EXOC6: variants seen among roughly 807,000 people sequenced by gnomAD.
EXOC6 encodes exocyst complex component 6.
In EXOC6, 60 loss-of-function variants were observed where a neutral mutation model predicts 112.5. The observed-to-expected ratio is 0.53, with a 90% CI of 0.43 to 0.66. The LOEUF is 0.66. EXOC6 is among the 30% of genes least tolerant of loss of function. EXOC6 has a pLI of 0.00. For missense variants in EXOC6, 855 were observed against 957.1 expected, an observed-to-expected ratio of 0.89 and a Z score of 1.41; for synonymous variants, 295 against 308.0, an observed-to-expected ratio of 0.96 and a Z score of 0.44.
rs946640424 is a variant in EXOC6 at position 92,957,216 on chromosome 10, C to A, written c.1773+1502C>A. ...TCCTTACATCCATCTGTTACTGATACCCTGTCAAGAAGGGATTTCTCAGGC... is the reference window on the plus strand; with the variant it reads ...TCCTTACATCCATCTGTTACTGATAACCTGTCAAGAAGGGATTTCTCAGGC... On this transcript the variant is annotated intron_variant, in intron 17 of 21. Transcript: ENST00000260762. 1.2e-4 allele frequency among the ~76,000 whole-genome samples: 19 copies of A among 152,206 alleles called. 1 individual carries two copies. The highest frequency in any genetic ancestry group is 3.3e-4 in the Admixed American group (5 of 15,290).
intron 19 of EXOC6, among the ~76,000 whole-genome samples, chr10:93,013,120 C>T (rs1229930093): frequency 6.6e-6 from 1 of 151,990 alleles, no homozygotes; most frequent in Non-Finnish European, 1.5e-5. Context: ...TGTAAAATGA[C>T]AGGGTCTTTT....
intron 9 of EXOC6, among the ~76,000 whole-genome samples, chr10:92,932,394 G>C (rs1435560891): frequency 6.6e-6 from 1 of 151,992 alleles, no homozygotes; most frequent in African/African-American, 2.4e-5. Flanking sequence ...GTCTACATTT[G>C]TCAAAACTCA....
chr10:92,952,858 ATGGGG>A (rs376569965), intron 15 of EXOC6, among the ~76,000 whole-genome samples: 123 of 152,200 alleles, frequency 8.1e-4, no homozygotes, highest in Middle Eastern at 6.8e-3. Context: ...ATTGCTATCA[ATGGGG>A]AGGTGCTACT....
chr10:92,851,961 G>A (rs181976555), intron 1 of EXOC6, among the ~76,000 whole-genome samples: 170 of 152,162 alleles, frequency 1.1e-3, no homozygotes, highest in Non-Finnish European at 1.5e-3. Context: ...CCAGCTACTC[G>A]GGAGGCTAAC....
At chr10:93,034,828 T>C (rs1845438449) in intron 20 of EXOC6, among the ~76,000 whole-genome samples, 2 of 152,256 alleles carry the variant, frequency 1.3e-5, no homozygotes, top group Admixed American at 6.5e-5. Flanking sequence ...ACACCCTGCC[T>C]GCTTAAACTT....
At chr10:93,044,236 C>T (rs1459203434) in intron 20 of EXOC6, among the ~76,000 whole-genome samples, 1 of 152,078 alleles carries the variant, frequency 6.6e-6, no homozygotes, top group African/African-American at 2.4e-5. Flanking sequence ...TTATACGTGA[C>T]AAAAGGTAAT....
chr10:92,894,711 A>G (rs944233540), intron 2 of EXOC6, 83 bp from the exon 3 acceptor site: 1 of 1,047,858 alleles, frequency 9.5e-7, no homozygotes, highest in Non-Finnish European at 1.5e-6. Context: ...CTCATGAAGC[A>G]TGATCTGATT....
At chr10:93,030,358 G>A (rs767179581) in intron 20 of EXOC6, among the ~76,000 whole-genome samples, 10 of 152,018 alleles carry the variant, frequency 6.6e-5, no homozygotes, top group Non-Finnish European at 1.3e-4. Context: ...GAGCCACTGC[G>A]CCCAGCCAAA....
intron 7 of EXOC6, among the ~76,000 whole-genome samples, chr10:92,917,551 A>G (rs1302351242): frequency 7.2e-6 from 1 of 138,722 alleles, no homozygotes; most frequent in Non-Finnish European, 1.5e-5. Context: ...TTTTTTAGAG[A>G]TAGGGCTCAC....
chr10:92,933,150 A>G (rs1408618013), intron 9 of EXOC6, among the ~76,000 whole-genome samples: 2 of 152,142 alleles, frequency 1.3e-5, no homozygotes, highest in Non-Finnish European at 2.9e-5. Context: ...TTCTAAACCT[A>G]TAAGCACTTG....
intron 1 of EXOC6, among the ~76,000 whole-genome samples, chr10:92,871,774 C>T (rs776379496): frequency 1.6e-4 from 25 of 152,040 alleles, no homozygotes; most frequent in Admixed American, 7.2e-4. Context: ...TGCCACTGTA[C>T]TCCAGCCTGG....
intron 13 of EXOC6, among the ~76,000 whole-genome samples, chr10:92,943,150 C>G (rs1852766653): frequency 1.3e-5 from 2 of 151,714 alleles, no homozygotes. Flanking sequence ...TCCCTAGTAG[C>G]TGGGACTACA....
At chr10:92,979,599 T>C (rs1363439021) in intron 18 of EXOC6, among the ~76,000 whole-genome samples, 1 of 152,174 alleles carries the variant, frequency 6.6e-6, no homozygotes, top group Non-Finnish European at 1.5e-5. Context: ...TCGCTTTAAA[T>C]ACCTCTTATA....
intron 1 of EXOC6, among the ~76,000 whole-genome samples, chr10:92,860,333 G>A (rs79494787): frequency 0.023 from 3,246 of 143,656 alleles, 54 homozygotes; most frequent in Non-Finnish European, 0.033. Flanking sequence ...GTGCAGTGGC[G>A]TGATCTCGCT....
chr10:92,866,513 TATTA>T (rs1292176915), intron 1 of EXOC6, among the ~76,000 whole-genome samples: 9 of 152,200 alleles, frequency 5.9e-5, no homozygotes, highest in Non-Finnish European at 7.4e-5. Context: ...AATTATTATT[TATTA>T]ATTAACTTAA....
chr10:92,985,953 C>T (rs1842986163), intron 18 of EXOC6, among the ~76,000 whole-genome samples: 1 of 151,764 alleles, frequency 6.6e-6, no homozygotes, highest in South Asian at 2.1e-4. Context: ...TTTTCCCTAT[C>T]AAATGAAAAT....
At chr10:93,000,587 A>G (rs1590012207) in intron 19 of EXOC6, among the ~76,000 whole-genome samples, 1 of 152,296 alleles carries the variant, frequency 6.6e-6, no homozygotes, top group South Asian at 2.1e-4. Flanking sequence ...GTAGATATGA[A>G]AAGGGAGAGA....
chr10:92,842,493 A>G lies in EXOC6; in HGVS notation c.86+7669A>G, dbSNP rs114738814. Among the ~76,000 whole-genome samples the G allele has an allele frequency of 6.3e-3, 962 of 151,742 alleles. 17 individuals are homozygous for G. Among genetic ancestry groups the G allele is most frequent in the African/African-American group, 0.022 (913 of 41,356 alleles). ...TCATCATTTCATTAGCTACATTTCA[A>G]ATCCTATTTTGCCAAGAGGAGAGAG... On this transcript the variant is annotated intron_variant, in intron 1 of 21. Coordinates refer to the EXOC6 transcript ENST00000371552.
intron 20 of EXOC6, among the ~76,000 whole-genome samples, chr10:93,037,954 G>A (rs1444188963): frequency 7.3e-5 from 11 of 149,958 alleles, no homozygotes; most frequent in Admixed American, 7.3e-4. Flanking sequence ...GCAGGAGAAT[G>A]GCGTGAACCC....
Sources: allele counts gnomAD v4.1 joint callset (sites outside exome capture counted in the v4.1 genomes callset), GRCh38; gene constraint gnomAD v4.1.1; transcripts MANE v1.5; gene names NCBI Gene and HGNC (gene_info 2026-07-23, HGNC 2026-07-21).